VILL: variants seen among roughly 807,000 people sequenced by gnomAD.
VILL encodes villin like.
In VILL, 102 loss-of-function variants were observed where a neutral mutation model predicts 106.3. The observed-to-expected ratio is 0.96, with a 90% CI of 0.82 to 1.13. VILL has a LOEUF of 1.13. Among genes scored for constraint, VILL ranks in the 50% most tolerant of loss-of-function variants. The pLI is 0.00. For missense variants in VILL, 1,076 were observed against 1,116.6 expected (o/e 0.96, Z 0.52); for synonymous variants, 431 against 440.3 (o/e 0.98, Z 0.27).
Position 38,001,791 on chromosome 3 carries a change from G to T in VILL, c.1410G>T (p.Glu470Asp). The change falls in exon 13 of 20, where the codon GAG (glutamate) becomes GAT (aspartate). Residue 470 changes from glutamate (E) to aspartate (D), a missense_variant. Physicochemically the swap from Glu to Asp is conservative, Grantham distance 45. Transcript: ENST00000383759. ...TGTATGGTGGCGTCCTAGTACAGGAGCATGTGACCATGGGCAGCGAGCCCC... is the reference window on the plus strand; with the variant it reads ...TGTATGGTGGCGTCCTAGTACAGGATCATGTGACCATGGGCAGCGAGCCCC... The part of the protein sequence containing the change: ...DVMYGGVLVQ[E>D]HVTMGSEPPH... The T allele has an allele frequency of 6.2e-7, 1 of 1,614,278 alleles. No homozygotes were observed. The highest frequency in any genetic ancestry group is 8.5e-7 in the Non-Finnish European group (1 of 1,180,050).
rs1214068609 is a variant in VILL, at chr3:37,999,322, T to C, written c.1082-17T>C. The C allele has an allele frequency of 4.0e-6, 6 of 1,502,842 alleles. No individual in the cohort carries two copies. Among genetic ancestry groups the C allele is most frequent in the East Asian group, 2.5e-5 (1 of 40,430 alleles). The allele number at this position is 1,502,842 out of a possible 1,614,324, so 93.1% of individuals were successfully genotyped here. ...GGGGGCAGAGGGCGCCACTGACGCC[T>C]ACTGTCCCCCCTTCAGATAAATCGA... On this transcript the variant is annotated splice_polypyrimidine_tract_variant and intron_variant, in intron 10 of 19. Transcript: ENST00000383759.
intron 12 of VILL, 31 bp downstream of exon 12, chr3:38,001,624 C>T: frequency 6.2e-7 from 1 of 1,613,612 alleles, no homozygotes; most frequent in African/African-American, 1.3e-5. Flanking sequence ...CAGCACTCAC[C>T]TTAAAGCCCA....
chr3:37,998,382 G>T lies in VILL; in HGVS notation c.942+18G>T. On this transcript the variant is annotated intron_variant, in intron 9 of 19. Transcript: ENST00000383759. The surrounding 1 kb of genome is among the most constrained non-coding windows in gnomAD (Gnocchi z 4.1). ...GGGCTGTGGTGAGCCCTGGGGCTCT[G>T]TCTGAGAGGAACAGAGCACTGCCCT... 1 of 1,612,248 alleles carries T rather than the reference G, an allele frequency of 6.2e-7. No individual in the cohort carries two copies. Among genetic ancestry groups the T allele is most frequent in the Non-Finnish European group, 8.5e-7 (1 of 1,178,410 alleles).
At chr3:37,994,036 C>A in intron 3 of VILL, 64 bp downstream of exon 3, 1 of 1,588,030 alleles carries the variant, frequency 6.3e-7, no homozygotes, top group South Asian at 1.1e-5. Context: ...GAGACTGAGG[C>A]ACAGGCATAA....
chr3:38,002,079 G>C, intron 13 of VILL: 1 of 781,024 alleles, frequency 1.3e-6, no homozygotes, highest in Non-Finnish European at 2.0e-6. Context: ...AGTTGAAAGG[G>C]AGCCAGGGGC....
At chr3:38,004,197 G>A in intron 15 of VILL, 58 bp from the exon 16 acceptor site, 1 of 1,561,476 alleles carries the variant, frequency 6.4e-7, no homozygotes. Context: ...GGGCACTTGT[G>A]CCATGGGCTG....
chr3:38,002,795 C>A, intron 14 of VILL: 1 of 593,194 alleles, frequency 1.7e-6, no homozygotes, highest in Non-Finnish European at 2.9e-6. Flanking sequence ...CAGGCCCAGG[C>A]CGCCTCCCCT....
Position 38,001,530 on chromosome 3 carries a change from C to T in VILL, c.1257C>T (p.Cys419=), listed in dbSNP as rs1310591346. 3 of 1,614,196 alleles carry T rather than the reference C, an allele frequency of 1.9e-6. No homozygotes were observed. Among genetic ancestry groups the T allele is most frequent in the Non-Finnish European group, 2.5e-6 (3 of 1,180,018 alleles). The change falls in exon 12 of 20, where the codon TGC becomes TGT. Residue 419 remains cysteine (C), a synonymous_variant. Coordinates refer to ENST00000383759, the MANE Select transcript of VILL (RefSeq NM_015873.4). ...ATGGACAGCTGTGTGCAGGCAACTG[C>T]TACCTTGTGCTCTACACATACCAGA... is the stretch of plus-strand genomic sequence containing the variant. ...KRHGQLCAGN[C]YLVLYTYQRL...
chr3:37,998,822 C>G lies in VILL; in HGVS notation c.943-90C>G. Reference sequence around the variant, plus strand: ...CTCGGTTAATTAACGCTTCTTGGAGCTCGGCTGTCCCAGAGCGGTAGGTCC... The same window carrying G: ...CTCGGTTAATTAACGCTTCTTGGAGGTCGGCTGTCCCAGAGCGGTAGGTCC... On this transcript the variant is annotated intron_variant, in intron 9 of 19. Coordinates refer to ENST00000383759, the MANE Select transcript of VILL (RefSeq NM_015873.4). This position sits in a 1 kb window ranked among gnomAD's most constrained non-coding sequence, Gnocchi z 4.1. 1 of 1,491,644 alleles carries G rather than the reference C, an allele frequency of 6.7e-7. No homozygotes were observed. The highest frequency in any genetic ancestry group is 1.3e-5 in the South Asian group (1 of 75,320). The allele number at this position is 1,491,644 out of a possible 1,614,324, so 92.4% of individuals were successfully genotyped here.
At position 37,997,548 on chromosome 3, in the gene VILL, G is replaced by T; in HGVS notation, c.627G>T (p.Val209=). 6.2e-7 allele frequency: 1 copy of T among 1,614,164 alleles called. No individual in the cohort carries two copies. The highest frequency in any genetic ancestry group is 1.1e-5 in the South Asian group (1 of 91,084). The change falls in exon 7 of 20, where the codon GTG becomes GTT. Residue 209 remains valine, a synonymous_variant. Coordinates refer to ENST00000383759, the MANE Select transcript of VILL (RefSeq NM_015873.4). This position sits in a 1 kb window ranked among gnomAD's most constrained non-coding sequence, Gnocchi z 4.7. The stretch of plus-strand genomic sequence containing the variant: ...GTGGTGGTCGTGCACAGATTGGTGT[G>T]GTGGATGATGAGGCCAAAGCCCCGG... ...ERGGGRAQIG[V]VDDEAKAPDL...
Position 38,006,236 on chromosome 3 carries a change from T to C in VILL, c.2189T>C (p.Ile730Thr). 6.2e-7 allele frequency: 1 copy of C among 1,614,132 alleles called. No individual in the cohort carries two copies. Among genetic ancestry groups the C allele is most frequent in the Non-Finnish European group, 8.5e-7 (1 of 1,180,030 alleles). Residue 730 changes from isoleucine (I) to threonine (T), a missense_variant, in exon 18 of 20, where the codon ATC becomes ACC. Physicochemically the swap from Ile to Thr is moderately conservative, Grantham distance 89 (BLOSUM62 -1). Transcript: ENST00000383759. ...VDGSPAAAST[I>T]SEITAEVNNL... ...GGCAGCCCGGCAGCAGCATCAACCA[T>C]CTCTGAGATAACAGCAGTGAGTCCT...
intron 4 of VILL, among the ~76,000 whole-genome samples, chr3:37,994,807 T>C (rs1232317953): frequency 5.3e-5 from 8 of 152,256 alleles, no homozygotes; most frequent in Non-Finnish European, 1.0e-4. Context: ...TGTCTATACA[T>C]TTGCCTCTTC....
In VILL at chr3:38,006,955, A is replaced by G. The variant is rs2125540638; in HGVS notation, c.2471A>G (p.Asp824Gly). 3 of 1,613,778 alleles carry G rather than the reference A, an allele frequency of 1.9e-6. No individual in the cohort carries two copies. The South Asian group carries it at 3.3e-5, about 18-fold the overall frequency. ...TCCCCTGCCCAGTTCTATCTCTCAGACTCTGACTTCCAAGATATCTTTGGG... is the reference window on the plus strand; with the variant it reads ...TCCCCTGCCCAGTTCTATCTCTCAGGCTCTGACTTCCAAGATATCTTTGGG... Reference protein sequence around the residue: ...DPARREFYLSDSDFQDIFGKS... With the variant: ...DPARREFYLSGSDFQDIFGKS... Residue 824 changes from aspartate to glycine, a missense_variant, in exon 20 of 20, where the codon GAC (aspartate) becomes GGC (glycine). Asp to Gly is a moderately conservative substitution (Grantham distance 94, BLOSUM62 -1). Transcript: ENST00000383759.
intron 14 of VILL, 124 bp downstream of exon 14, chr3:38,002,699 G>A: frequency 8.5e-7 from 1 of 1,179,608 alleles, no homozygotes; most frequent in Non-Finnish European, 1.2e-6. Flanking sequence ...GGGGGAATGG[G>A]GAGGGGAAGA....
intron 5 of VILL, among the ~76,000 whole-genome samples, chr3:37,996,317 A>G (rs1292966480): frequency 1.3e-5 from 2 of 152,166 alleles, no homozygotes; most frequent in Non-Finnish European, 2.9e-5. Flanking sequence ...ATTGTCACCT[A>G]TATGCACACA....
chr3:37,993,769 G>A, intron 2 of VILL, 37 bp downstream of exon 2: 1 of 1,612,110 alleles, frequency 6.2e-7, no homozygotes, highest in Non-Finnish European at 8.5e-7. Flanking sequence ...TTGGTGACAT[G>A]GAAGAGCGTG....
intron 2 of VILL, 54 bp from the exon 3 acceptor site, chr3:37,993,843 CG>C (rs1699648234): frequency 6.2e-7 from 1 of 1,606,382 alleles, no homozygotes; most frequent in Admixed American, 1.7e-5. Context: ...CCCACCCCAG[CG>C]GGTGTCATGG....
At chr3:38,004,422 G>A (rs754992725) in intron 16 of VILL, 23 bp downstream of exon 16, 7 of 1,597,296 alleles carry the variant, frequency 4.4e-6, no homozygotes, top group Non-Finnish European at 5.1e-6. Context: ...TCCCTGCCTG[G>A]TGGGGCTGTG....
intron 1 of VILL, among the ~76,000 whole-genome samples, chr3:37,991,628 G>A (rs970257673): frequency 6.6e-5 from 10 of 152,110 alleles, no homozygotes; most frequent in South Asian, 2.1e-4. Context: ...TTGGGCATCC[G>A]GAAGAGAAAG....
Sources: gnomAD v4.1 joint callset for allele counts (sites outside exome capture counted in the v4.1 genomes callset) on GRCh38, gnomAD v4.1.1 for gene constraint, Gnocchi (gnomAD v3.1) non-coding constraint, MANE v1.5 for transcripts, NCBI Gene and HGNC (gene_info 2026-07-23, HGNC 2026-07-21) for gene names.